Variants in PLCL2 observed in about 807,000 individuals in gnomAD.
PLCL2 encodes inactive phospholipase C-like protein 2.
In PLCL2, 4 loss-of-function variants were observed where a neutral mutation model predicts 79.6. The ratio of observed to expected loss-of-function variants is 0.05; its 90% CI spans 0.02 to 0.11. The LOEUF is 0.11. PLCL2 is among the 10% of genes least tolerant of loss of function. The pLI is 1.00. For synonymous variants in PLCL2, 484 were observed against 457.7 expected, an observed-to-expected ratio of 1.06 and a Z score of -0.73; for missense variants, 895 against 1,291.0, an observed-to-expected ratio of 0.69 and a Z score of 4.70.
At chr3:17,061,623 T>C (rs1237993699) in intron 4 of PLCL2, among the ~76,000 whole-genome samples, 1 of 152,202 alleles carries the variant, frequency 6.6e-6, no homozygotes, top group Non-Finnish European at 1.5e-5. Flanking sequence ...AATCAACACC[T>C]ACACATATAA....
Position 17,010,101 on chromosome 3 carries a change from A to T in PLCL2, c.755A>T (p.Tyr252Phe). The stretch of plus-strand genomic sequence containing the variant: ...ACAGGACTGCGGTACCTAATTTCTT[A>T]TGGAAAACATACACTTGATATGTTA... Reference protein sequence around the residue: ...WVTGLRYLISYGKHTLDMLES... With the variant: ...WVTGLRYLISFGKHTLDMLES... Residue 252 changes from tyrosine (Y) to phenylalanine (F), a missense_variant, in exon 2 of 6, where the codon TAT becomes TTT. Transcript: ENST00000615277. The surrounding 1 kb of genome is among the most constrained non-coding windows in gnomAD (Gnocchi z 5.8). 6.2e-7 allele frequency: 1 copy of T among 1,614,096 alleles called. No individual in the cohort carries two copies. Among genetic ancestry groups the T allele is most frequent in the Non-Finnish European group, 8.5e-7 (1 of 1,179,958 alleles).
intron 1 of PLCL2, among the ~76,000 whole-genome samples, chr3:17,007,496 T>C (rs1413204040): frequency 6.6e-6 from 1 of 152,244 alleles, no homozygotes; most frequent in East Asian, 1.9e-4. Context: ...TTTTGCACTT[T>C]ATTGTTCTGA....
intron 1 of PLCL2, among the ~76,000 whole-genome samples, chr3:16,907,899 ATTTGT>A (rs1436517750): frequency 2.0e-5 from 3 of 152,180 alleles, no homozygotes; most frequent in African/African-American, 7.2e-5. Context: ...ATTGTATTCA[ATTTGT>A]TTTATTTCAA....
At chr3:17,020,792 A>T (rs540377543) in intron 3 of PLCL2, among the ~76,000 whole-genome samples, 9 of 152,204 alleles carry the variant, frequency 5.9e-5, no homozygotes, top group Non-Finnish European at 1.0e-4. Flanking sequence ...TTATTTAAAT[A>T]AAATATGTGA....
At chr3:16,943,588 T>G (rs1429300250) in intron 1 of PLCL2, among the ~76,000 whole-genome samples, 2 of 152,238 alleles carry the variant, frequency 1.3e-5, no homozygotes, top group East Asian at 1.9e-4. Context: ...TACTTTCTTA[T>G]GGTCTGTCCT....
intron 1 of PLCL2, among the ~76,000 whole-genome samples, chr3:16,953,602 GGTTGGAATT>G (rs1373906244): frequency 6.6e-6 from 1 of 152,058 alleles, no homozygotes. Context: ...GAAGTCAAAT[GGTTGGAATT>G]TAGTCATTTC....
chr3:16,917,835 G>A (rs1357997378), intron 1 of PLCL2, among the ~76,000 whole-genome samples: 1 of 152,182 alleles, frequency 6.6e-6, no homozygotes, highest in African/African-American at 2.4e-5. Context: ...TGGTGGGGGA[G>A]TGGCAGGTGC....
rs753106723 is a variant in PLCL2, at chr3:17,011,448, C to G, written c.2102C>G (p.Ala701Gly). Residue 701 changes from alanine to glycine, a missense_variant, in exon 2 of 6, where the codon GCC becomes GGC. By Grantham distance (60) the Ala-to-Gly change is moderately conservative. This residue lies in a region of PLCL2 where 23 missense variants were observed against 86.9 expected (regional missense o/e 0.26). Coordinates refer to ENST00000615277, the MANE Select transcript of PLCL2 (RefSeq NM_001144382.2). This position sits in a 1 kb window ranked among gnomAD's most constrained non-coding sequence, Gnocchi z 7.9. The part of the protein sequence containing the change: ...DFWKCGCQIV[A>G]MNFQTPGLMM... ...TGGAAATGTGGTTGCCAAATTGTAG[C>G]CATGAACTTTCAGACACCAGGACTG... 1 of 1,614,142 alleles carries G rather than the reference C, an allele frequency of 6.2e-7. No homozygotes were observed. The highest frequency in any genetic ancestry group is 2.2e-5 in the East Asian group (1 of 44,872).
intron 1 of PLCL2, among the ~76,000 whole-genome samples, chr3:16,999,207 T>A (rs7652874): frequency 0.12 from 18,063 of 152,136 alleles, 1,559 homozygotes; most frequent in Non-Finnish European, 0.17. Context: ...TTCTGAAGCT[T>A]TTTGAGAGGG....
At chr3:16,966,600 C>A (rs113125872) in intron 1 of PLCL2, among the ~76,000 whole-genome samples, 1 of 152,032 alleles carries the variant, frequency 6.6e-6, no homozygotes, top group Non-Finnish European at 1.5e-5. Flanking sequence ...GTACCAGCTC[C>A]TCCTTGTACC....
intron 4 of PLCL2, 58 bp downstream of exon 4, chr3:17,043,007 C>T: frequency 1.8e-6 from 2 of 1,112,588 alleles, no homozygotes; most frequent in Non-Finnish European, 2.7e-6. Context: ...TATACTTTGC[C>T]CCAAAACTAT....
chr3:17,038,399 C>A (rs934312243), intron 3 of PLCL2, among the ~76,000 whole-genome samples: 7 of 152,218 alleles, frequency 4.6e-5, no homozygotes, highest in African/African-American at 1.7e-4. Flanking sequence ...TGATGAAATT[C>A]ATGCATTTGC....
chr3:16,943,530 A>G (rs547444361), intron 1 of PLCL2, among the ~76,000 whole-genome samples: 4 of 152,372 alleles, frequency 2.6e-5, no homozygotes, highest in African/African-American at 9.6e-5. Flanking sequence ...CATATTTACT[A>G]TAAAAATCAG....
chr3:17,011,489 A>G lies in PLCL2; in HGVS notation c.2143A>G (p.Ile715Val), dbSNP rs777654855. 1.2e-6 allele frequency: 2 copies of G among 1,614,014 alleles called. No homozygotes were observed. The highest frequency in any genetic ancestry group is 1.7e-6 in the Non-Finnish European group (2 of 1,180,028). Residue 715 changes from isoleucine to valine, a missense_variant, in exon 2 of 6, where the codon ATT becomes GTT. By Grantham distance (29) the Ile-to-Val change is conservative. This residue lies in a region of PLCL2 where 23 missense variants were observed against 86.9 expected (regional missense o/e 0.26). Coordinates refer to ENST00000615277, the MANE Select transcript of PLCL2 (RefSeq NM_001144382.2). The surrounding 1 kb of genome is among the most constrained non-coding windows in gnomAD (Gnocchi z 7.9). ...QTPGLMMDLN[I>V]GWFRQNGNCG... The stretch of plus-strand genomic sequence containing the variant: ...ACCAGGACTGATGATGGACCTGAAT[A>G]TTGGCTGGTTTAGGCAGAACGGAAA...
chr3:17,022,995 C>T (rs1001193480), intron 3 of PLCL2, among the ~76,000 whole-genome samples: 1 of 152,178 alleles, frequency 6.6e-6, no homozygotes, highest in African/African-American at 2.4e-5. Flanking sequence ...TCTTCCTTCA[C>T]AAAGTGGCCA....
chr3:16,990,935 A>G (rs1042474919), intron 1 of PLCL2, among the ~76,000 whole-genome samples: 3 of 152,236 alleles, frequency 2.0e-5, no homozygotes, highest in Non-Finnish European at 4.4e-5. Context: ...AACAGCAGAT[A>G]ACTATCCCCA....
At chr3:17,046,195 G>A (rs191393636) in intron 4 of PLCL2, among the ~76,000 whole-genome samples, 1 of 152,338 alleles carries the variant, frequency 6.6e-6, no homozygotes, top group African/African-American at 2.4e-5. Context: ...AGGAACACCA[G>A]CAGGAGAGCT....
chr3:16,945,259 CACAT>C (rs1021090626), intron 1 of PLCL2, among the ~76,000 whole-genome samples: 11 of 136,352 alleles, frequency 8.1e-5, no homozygotes, highest in South Asian at 2.4e-4. Context: ...CACACACACA[CACAT>C]ACACACACAT....
intron 1 of PLCL2, among the ~76,000 whole-genome samples, chr3:16,930,211 A>T (rs1180520217): frequency 6.6e-6 from 1 of 152,162 alleles, no homozygotes; most frequent in Admixed American, 6.5e-5. Flanking sequence ...TTCTCCATTT[A>T]ACTTGAGAAA....
Sources: allele counts gnomAD v4.1 joint callset (sites outside exome capture counted in the v4.1 genomes callset), GRCh38; gene constraint gnomAD v4.1.1; regional missense constraint gnomAD v4.1.1; non-coding constraint Gnocchi (gnomAD v3.1); transcripts MANE v1.5; gene names NCBI Gene and HGNC (gene_info 2026-07-23, HGNC 2026-07-21).